The following SP140 variants were observed in gnomAD, a reference collection of about 807,000 sequenced individuals.
SP140 encodes SP140 nuclear body protein.
SP140 carries 81 observed loss-of-function variants against 125.0 expected under a neutral mutation model. The ratio of observed to expected loss-of-function variants is 0.65; its 90% CI spans 0.54 to 0.78. SP140 has a LOEUF of 0.78. Among genes scored for constraint, SP140 ranks in the 30% least tolerant of loss-of-function variants. SP140 has a pLI of 0.00. For missense variants in SP140, 858 were observed against 1,037.0 expected, an observed-to-expected ratio of 0.83 and a Z score of 2.37; for synonymous variants, 312 against 354.0, an observed-to-expected ratio of 0.88 and a Z score of 1.33.
chr2:230,248,720 C>G (rs1455216921), intron 8 of SP140, among the ~76,000 whole-genome samples, 165 bp from the exon 9 acceptor site: 1 of 152,082 alleles, frequency 6.6e-6, no homozygotes, highest in Non-Finnish European at 1.5e-5. Context: ...GAGGAGGACA[C>G]TGAGAATTAC....
At chr2:230,209,362 G>A (rs2044220211) in intron 1 of SP140, among the ~76,000 whole-genome samples, 1 of 152,164 alleles carries the variant, frequency 6.6e-6, no homozygotes, top group Admixed American at 6.5e-5. Context: ...CATCTAGGAT[G>A]ATGCTGGGAC....
chr2:230,304,476 A>G (rs1206790660), intron 22 of SP140, among the ~76,000 whole-genome samples: 1 of 152,238 alleles, frequency 6.6e-6, no homozygotes, highest in Non-Finnish European at 1.5e-5. Flanking sequence ...AAAAACTTGG[A>G]GGCATCACAT....
At chr2:230,221,720 A>G, upstream of SP140, 1 of 1,536,126 alleles carries the variant, frequency 6.5e-7, no homozygotes, top group Non-Finnish European at 8.7e-7. Flanking sequence ...GCCCCTCCCC[A>G]TCACCTGGAA....
chr2:230,315,605 G>A (rs144837743), downstream of SP140, among the ~76,000 whole-genome samples: 3 of 152,264 alleles, frequency 2.0e-5, no homozygotes, highest in South Asian at 2.1e-4. Context: ...CTTAACCTGG[G>A]CTTTCCTAAA....
chr2:230,284,180 A>G (rs2056040358), intron 15 of SP140, among the ~76,000 whole-genome samples, 166 bp from the exon 16 acceptor site: 1 of 152,196 alleles, frequency 6.6e-6, no homozygotes, highest in Admixed American at 6.5e-5. Flanking sequence ...GAGGTAAAAT[A>G]TAACTCTGTA....
Position 230,245,852 on chromosome 2 carries a change from T to C in SP140, c.665-11T>C, listed in dbSNP as rs1228823397. 1.9e-6 allele frequency: 3 copies of C among 1,579,970 alleles called. No homozygotes were observed. The highest frequency in any genetic ancestry group is 2.6e-6 in the Non-Finnish European group (3 of 1,149,014). On this transcript the variant is annotated splice_polypyrimidine_tract_variant and intron_variant, in intron 6 of 26. Coordinates refer to ENST00000392045, the MANE Select transcript of SP140 (RefSeq NM_007237.5). ...GCCAATTGTCTGTCATGTTCCTCTTTCACTCTGCAGTGTCCTGTAAACTTG... is the reference window on the plus strand; with the variant it reads ...GCCAATTGTCTGTCATGTTCCTCTTCCACTCTGCAGTGTCCTGTAAACTTG...
At chr2:230,294,369 A>T in intron 21 of SP140, 51 bp downstream of exon 21, 4 of 1,400,422 alleles carry the variant, frequency 2.9e-6, no homozygotes, top group African/African-American at 1.4e-5. Context: ...CTGATTTAGC[A>T]TGCACAAAAT....
At chr2:230,282,167 TCTC>T (rs1289338258) in intron 15 of SP140, among the ~76,000 whole-genome samples, 2 of 152,144 alleles carry the variant, frequency 1.3e-5, no homozygotes, top group African/African-American at 4.8e-5. Context: ...ATTAAGCAAA[TCTC>T]CTCTGGGGAT....
intron 9 of SP140, among the ~76,000 whole-genome samples, chr2:230,249,271 A>G (rs1322049502): frequency 6.6e-6 from 1 of 152,164 alleles, no homozygotes; most frequent in African/African-American, 2.4e-5. Context: ...AACACACATT[A>G]AACCTAAATA....
intron 4 of SP140, among the ~76,000 whole-genome samples, chr2:230,243,067 T>G (rs927830177): frequency 6.6e-6 from 1 of 152,210 alleles, no homozygotes; most frequent in Non-Finnish European, 1.5e-5. Context: ...AGCCACCTGC[T>G]TACTTCTCCA....
chr2:230,244,052 C>T (rs1277967915), intron 5 of SP140, among the ~76,000 whole-genome samples: 1 of 152,218 alleles, frequency 6.6e-6, no homozygotes, highest in Non-Finnish European at 1.5e-5. Context: ...CTACCCACCA[C>T]TTACTTTCTC....
intron 1 of SP140, chr2:230,203,525 G>A (rs1384286970): frequency 6.6e-6 from 1 of 152,266 alleles, no homozygotes; most frequent in East Asian, 1.9e-4. Flanking sequence ...GGGACCCAGG[G>A]CTGGCGGGAA....
In SP140 at chr2:230,305,104, T is replaced by G. The variant is rs2058630908; in HGVS notation, c.2059-4820T>G. The stretch of plus-strand genomic sequence containing the variant: ...TCAAAAAGTGGGCTAAGGACATGAA[T>G]AGACAATTCTCAAAAGAAGATATAC... On this transcript the variant is annotated intron_variant, in intron 22 of 26. Transcript: ENST00000392045. Among the ~76,000 whole-genome samples the G allele has an allele frequency of 1.3e-5, 2 of 152,058 alleles. 1 individual carries two copies. Among genetic ancestry groups the G allele is most frequent in the Non-Finnish European group, 2.9e-5 (2 of 68,022 alleles).
chr2:230,212,440 G>C lies in SP140; in HGVS notation c.-322-1214G>C, dbSNP rs148591984. 4,357 of 1,586,492 alleles carry C rather than the reference G, an allele frequency of 2.7e-3. 10 individuals are homozygous for C. Among genetic ancestry groups the C allele is most frequent in the Non-Finnish European group, 3.5e-3 (3,989 of 1,154,702 alleles). On this transcript the variant is annotated intron_variant, in intron 1 of 4. Coordinates refer to the SP140 transcript ENST00000456542. ...AACTTGTCATTGGTCACTGAAGGAG[G>C]AAAGGAAATTATTACAGATTGCAGG...
chr2:230,284,442 T>A, intron 16 of SP140, 31 bp downstream of exon 16: 1 of 1,575,648 alleles, frequency 6.3e-7, no homozygotes, highest in Non-Finnish European at 8.7e-7. Flanking sequence ...AGTTACAGCT[T>A]TTGAGTTTAT....
intron 9 of SP140, 42 bp downstream of exon 9, chr2:230,249,010 G>C (rs1342855031): frequency 6.6e-7 from 1 of 1,510,978 alleles, no homozygotes; most frequent in Admixed American, 1.7e-5. Context: ...GTACATCTTT[G>C]TTTTCTAGTT....
In SP140 at chr2:230,275,770, G is replaced by A. The variant is rs2054624792; in HGVS notation, c.1498+5131G>A. Among the ~76,000 whole-genome samples, 4 of 152,296 alleles carry A rather than the reference G, an allele frequency of 2.6e-5. No individual in the cohort carries two copies. In the South Asian group the frequency reaches 8.3e-4, roughly 32 times the overall value. ...GAGGCTGAAAACTAGGCCTGTTGCA[G>A]CAAACAATCAGCCAAGTTATGAAGT... On this transcript the variant is annotated intron_variant, in intron 15 of 26. Transcript: ENST00000392045.
intron 3 of SP140, chr2:230,219,783 G>T: frequency 3.3e-6 from 1 of 302,860 alleles, no homozygotes; most frequent in Non-Finnish European, 4.9e-6. Context: ...TTAAATAGTT[G>T]AACTCCACCC....
chr2:230,248,963 G>C lies in SP140; in HGVS notation c.971G>C (p.Gly324Ala). The C allele has an allele frequency of 1.2e-6, 2 of 1,607,460 alleles. No homozygotes were observed. The highest frequency in any genetic ancestry group is 8.5e-7 in the Non-Finnish European group (1 of 1,174,280). The change falls in exon 9 of 27, where the codon GGA (glycine) becomes GCA (alanine). Residue 324 changes from glycine to alanine, a missense_variant. By Grantham distance (60) the Gly-to-Ala change is moderately conservative (BLOSUM62 0). Transcript: ENST00000392045. ...EKGLCLLPGE[G>A]EEGSDDCSEM... ...GGGCTCTGTCTACTACCAGGTGAAG[G>C]AGAAGGTAATTATGATTTAAGTTTT...
Sources: allele counts gnomAD v4.1 joint callset (sites outside exome capture counted in the v4.1 genomes callset), GRCh38; gene constraint gnomAD v4.1.1; transcripts MANE v1.5; gene names NCBI Gene and HGNC (gene_info 2026-07-23, HGNC 2026-07-21).